IL1RAP: variants seen among roughly 807,000 people sequenced by gnomAD.
IL1RAP encodes the protein interleukin 1 receptor accessory protein, also known as interleukin-1 receptor accessory protein.
Under a neutral mutation model 60.7 loss-of-function variants are expected in IL1RAP, and 35 were observed. The ratio of observed to expected loss-of-function variants is 0.58; its 90% CI spans 0.44 to 0.76. IL1RAP has a LOEUF of 0.76. Ranked by LOEUF, IL1RAP falls within the 30% of genes least tolerant of loss-of-function variation. IL1RAP has a pLI of 0.00. For missense variants in IL1RAP, 572 were observed against 693.9 expected (o/e 0.82, Z 1.97); for synonymous variants, 268 against 250.9 (o/e 1.07, Z -0.64).
At chr3:190,583,635 G>T (rs1216483832) in intron 3 of IL1RAP, among the ~76,000 whole-genome samples, 1 of 152,178 alleles carries the variant, frequency 6.6e-6, no homozygotes, top group Non-Finnish European at 1.5e-5. Flanking sequence ...CATAAGAGAG[G>T]TTCAGAGAAA....
At chr3:190,627,221 G>A in intron 7 of IL1RAP, 102 bp from the exon 8 acceptor site, 1 of 973,740 alleles carries the variant, frequency 1.0e-6, no homozygotes, top group Non-Finnish European at 1.5e-6. Context: ...GCCATGTGAA[G>A]GATAAACACT....
chr3:190,651,287 C>G lies in IL1RAP; in HGVS notation c.*2582C>G, dbSNP rs79535755. 15 of 953,000 alleles carry G rather than the reference C, an allele frequency of 1.6e-5. No individual in the cohort carries two copies. Among genetic ancestry groups the G allele is most frequent in the Non-Finnish European group, 1.9e-5 (15 of 800,592 alleles). The allele number at this position is 953,000 out of a possible 1,614,324, so 59.0% of individuals were successfully genotyped here. ...AAAATCATATACGATTTATTTAATT[C>G]TCTTCTGTATTGTAACTTAGATGAT... On this transcript the variant is annotated 3_prime_UTR_variant, in exon 12 of 12. Transcript: ENST00000447382.
Position 190,639,743 on chromosome 3 carries a change from A to G in IL1RAP, c.1052-4505A>G, listed in dbSNP as rs9847868. Among the ~76,000 whole-genome samples the G allele has an allele frequency of 7.2e-5, 11 of 152,176 alleles. 1 individual carries two copies. The East Asian group carries it at 2.1e-3, about 29-fold the overall frequency. ...AAGACAGTGTTAAATTTTGTTCTAG[A>G]GGGTAATTAAATTACTTGCATAACT... On this transcript the variant is annotated intron_variant, in intron 9 of 11. Coordinates refer to ENST00000447382, the MANE Select transcript of IL1RAP (RefSeq NM_002182.4).
Position 190,645,707 on chromosome 3 carries a change from G to C in IL1RAP, c.1210G>C (p.Glu404Gln), listed in dbSNP as rs1259485877. ...TGTGTTCCTTTTGCTAGATGGAAAA[G>C]AGTATGATATTTATGTATCCTATGC... is the stretch of plus-strand genomic sequence containing the variant. ...GTDETILDGKEYDIYVSYARN... is the reference protein window; with the variant it reads ...GTDETILDGKQYDIYVSYARN... Residue 404 changes from glutamate (E) to glutamine (Q), a missense_variant, in exon 11 of 12, where the codon GAG becomes CAG. By Grantham distance (29) the Glu-to-Gln change is conservative (BLOSUM62 2). Coordinates refer to ENST00000447382, the MANE Select transcript of IL1RAP (RefSeq NM_002182.4). 1 of 1,610,110 alleles carries C rather than the reference G, an allele frequency of 6.2e-7. No individual in the cohort carries two copies. The highest frequency in any genetic ancestry group is 1.1e-5 in the South Asian group (1 of 90,738).
chr3:190,575,188 C>T (rs1216255910), intron 3 of IL1RAP, among the ~76,000 whole-genome samples: 3 of 150,984 alleles, frequency 2.0e-5, no homozygotes, highest in African/African-American at 4.8e-5. Context: ...CAGCATATGT[C>T]TCCTGGGCAC....
chr3:190,517,119 G>A (rs775786378), intron 1 of IL1RAP, among the ~76,000 whole-genome samples: 1 of 152,210 alleles, frequency 6.6e-6, no homozygotes. Context: ...GCACAGTTCT[G>A]TAGAGTTTAG....
At position 190,645,698 on chromosome 3, in the gene IL1RAP, G is replaced by A; in HGVS notation, c.1202-1G>A. 1.2e-6 allele frequency: 2 copies of A among 1,606,300 alleles called. No individual in the cohort carries two copies. The stretch of plus-strand genomic sequence containing the variant: ...CATTGTATCTGTGTTCCTTTTGCTA[G>A]ATGGAAAAGAGTATGATATTTATGT... On this transcript the variant is annotated splice_acceptor_variant, in intron 10 of 11. Coordinates refer to ENST00000447382, the MANE Select transcript of IL1RAP (RefSeq NM_002182.4). LOFTEE classifies it high-confidence loss of function.
At position 190,629,478 on chromosome 3, in the gene IL1RAP, C is replaced by T. The variant is rs1466734320; in HGVS notation, c.1031C>T (p.Ala344Val). ...ARSAKGEVAK[A>V]AKVKQKVPAP... ...AGTGCCAAAGGCGAAGTTGCCAAAG[C>T]AGCCAAGGTGAAGCAGAAAGGTAAT... Residue 344 changes from alanine (A) to valine (V), a missense_variant, in exon 9 of 12, where the codon GCA (alanine) becomes GTA (valine). Physicochemically the swap from Ala to Val is moderately conservative, Grantham distance 64. Transcript: ENST00000447382. 1.9e-6 allele frequency: 3 copies of T among 1,612,636 alleles called. No homozygotes were observed. In the East Asian group the frequency reaches 6.7e-5, roughly 36 times the overall value.
intron 5 of IL1RAP, chr3:190,615,189 A>G (rs762872134): frequency 2.0e-4 from 78 of 386,288 alleles, no homozygotes; most frequent in Non-Finnish European, 3.5e-4. Context: ...TGAATAAGCC[A>G]GGTTTTGTAA....
At chr3:190,524,928 G>T (rs1450149213) in intron 1 of IL1RAP, among the ~76,000 whole-genome samples, 1 of 151,992 alleles carries the variant, frequency 6.6e-6, no homozygotes, top group Non-Finnish European at 1.5e-5. Flanking sequence ...AAGTGTATGT[G>T]TGTATTTTTG....
At chr3:190,644,506 GGA>G in intron 10 of IL1RAP, 109 bp downstream of exon 10, 1 of 836,292 alleles carries the variant, frequency 1.2e-6, no homozygotes. Flanking sequence ...TAGATTAACT[GGA>G]AGATTTAAGC....
At chr3:190,652,687 G>C (rs11923092), downstream of IL1RAP, among the ~76,000 whole-genome samples, 7,367 of 152,186 alleles carry the variant, frequency 0.048, 527 homozygotes, top group African/African-American at 0.16. Context: ...ACTATCTTTG[G>C]AAATACTAGG....
intron 1 of IL1RAP, among the ~76,000 whole-genome samples, chr3:190,525,714 CA>C (rs1211903522): frequency 6.6e-6 from 1 of 152,130 alleles, no homozygotes; most frequent in Non-Finnish European, 1.5e-5. Context: ...AAAGGGAAAA[CA>C]AAAACCCAGC....
intron 3 of IL1RAP, among the ~76,000 whole-genome samples, chr3:190,589,139 G>T (rs1332427999): frequency 6.6e-6 from 1 of 152,106 alleles, no homozygotes; most frequent in Non-Finnish European, 1.5e-5. Context: ...ATGCACGGTG[G>T]ATTATAGGGG....
At chr3:190,564,709 C>T (rs1250338258) in intron 3 of IL1RAP, 2 of 219,988 alleles carry the variant, frequency 9.1e-6, no homozygotes, top group Non-Finnish European at 1.9e-5. Flanking sequence ...CAAATTTGAG[C>T]CAGTGGTGGA....
At chr3:190,540,189 A>T (rs1405274075) in intron 1 of IL1RAP, among the ~76,000 whole-genome samples, 1 of 152,080 alleles carries the variant, frequency 6.6e-6, no homozygotes, top group Non-Finnish European at 1.5e-5. Context: ...TGAGGGACAG[A>T]TTAGATGAAT....
At chr3:190,566,894 G>T (rs1300552650) in intron 3 of IL1RAP, among the ~76,000 whole-genome samples, 1 of 152,180 alleles carries the variant, frequency 6.6e-6, no homozygotes, top group Non-Finnish European at 1.5e-5. Context: ...TGACAGATTT[G>T]TTGGTCTTTC....
At chr3:190,656,350 C>G (rs986057465), downstream of IL1RAP, 1 of 1,537,172 alleles carries the variant, frequency 6.5e-7, no homozygotes, top group Admixed American at 2.0e-5. Flanking sequence ...GTCCAAGCAC[C>G]GAGGGAAGTC....
intron 3 of IL1RAP, among the ~76,000 whole-genome samples, chr3:190,567,972 C>T (rs966428895): frequency 4.8e-4 from 73 of 152,082 alleles, no homozygotes; most frequent in African/African-American, 1.6e-3. Context: ...TTAAAAGCTG[C>T]CTTTGGAGTA....
Sources: allele counts gnomAD v4.1 joint callset (sites outside exome capture counted in the v4.1 genomes callset), GRCh38; gene constraint gnomAD v4.1.1; transcripts MANE v1.5; gene names NCBI Gene and HGNC (gene_info 2026-07-23, HGNC 2026-07-21).